Variants in DBF4B observed in about 807,000 individuals in gnomAD.
DBF4B encodes protein DBF4 homolog B.
A neutral mutation model predicts 53.4 loss-of-function variants in DBF4B; 49 were observed. The ratio of observed to expected loss-of-function variants is 0.92; its 90% CI spans 0.73 to 1.16. The LOEUF is 1.16. DBF4B is among the 50% of genes most tolerant of loss of function. DBF4B has a pLI of 0.00. For missense variants in DBF4B, 692 were observed against 775.0 expected, an observed-to-expected ratio of 0.89 and a Z score of 1.27; for synonymous variants, 257 against 288.7, an observed-to-expected ratio of 0.89 and a Z score of 1.11.
At position 44,731,011 on chromosome 17, in the gene DBF4B, A is replaced by G. The variant is rs1329958150; in HGVS notation, c.464A>G (p.Asn155Ser). Residue 155 changes from asparagine (N) to serine (S), a missense_variant, in exon 5 of 14, where the codon AAC (asparagine) becomes AGC (serine). Asn to Ser is a conservative substitution (Grantham distance 46). Transcript: ENST00000315005. ...GKELLQKAIR[N>S]QGSISGGGSG... ...GAGCTGCTGCAGAAGGCTATCAGAA[A>G]CCAGGTGAGCTGGGGCAAGATGGGA... is the stretch of plus-strand genomic sequence containing the variant. 1 of 1,613,916 alleles carries G rather than the reference A, an allele frequency of 6.2e-7. No homozygotes were observed. Among genetic ancestry groups the G allele is most frequent in the Non-Finnish European group, 8.5e-7 (1 of 1,179,940 alleles).
chr17:44,750,387 G>A (rs566284592), intron 13 of DBF4B: 4 of 1,374,054 alleles, frequency 2.9e-6, no homozygotes, highest in Non-Finnish European at 2.8e-6. Context: ...AAGGAAGAAG[G>A]GGGGGCCCAG....
chr17:44,730,325 G>A (rs1974725888), intron 4 of DBF4B, among the ~76,000 whole-genome samples: 1 of 152,176 alleles, frequency 6.6e-6, no homozygotes, highest in African/African-American at 2.4e-5. Context: ...GGACTTGAAA[G>A]TCAGAGGTTT....
intron 4 of DBF4B, among the ~76,000 whole-genome samples, chr17:44,730,700 C>T (rs1036703073): frequency 1.3e-5 from 2 of 152,158 alleles, no homozygotes; most frequent in African/African-American, 4.8e-5. Context: ...ACATTTGTAA[C>T]AATTGGATCT....
At chr17:44,748,507 C>T in intron 13 of DBF4B, 42 bp downstream of exon 13, 1 of 1,612,520 alleles carries the variant, frequency 6.2e-7, no homozygotes. Context: ...CACGCAGGCA[C>T]CAGCTGAACG....
chr17:44,730,673 T>G (rs1049283800), intron 4 of DBF4B, among the ~76,000 whole-genome samples: 2 of 152,184 alleles, frequency 1.3e-5, no homozygotes, highest in African/African-American at 4.8e-5. Flanking sequence ...GCAGAGACTC[T>G]TAAAGAGGGT....
rs202191780 is a variant in DBF4B at position 44,738,371 on chromosome 17, C to T, written c.668-8C>T. The T allele has an allele frequency of 1.3e-4, 205 of 1,613,344 alleles. 2 individuals carry two copies. The East Asian group carries it at 4.5e-3, about 36-fold the overall frequency. On this transcript the variant is annotated splice_polypyrimidine_tract_variant and splice_region_variant and intron_variant, in intron 8 of 13. Transcript: ENST00000315005. ...AGATAGCTGATGTGTGCATTCTTCCCCTTTCAGTGGCCAGACTGAAGGCCC... is the reference window on the plus strand; with the variant it reads ...AGATAGCTGATGTGTGCATTCTTCCTCTTTCAGTGGCCAGACTGAAGGCCC...
intron 8 of DBF4B, 50 bp downstream of exon 8, chr17:44,736,916 A>T: frequency 6.3e-7 from 1 of 1,594,438 alleles, no homozygotes; most frequent in Non-Finnish European, 8.6e-7. Flanking sequence ...CCCTCCCTAA[A>T]CACTTCCCCA....
intron 4 of DBF4B, among the ~76,000 whole-genome samples, chr17:44,730,717 AT>A (rs1432973818): frequency 1.3e-5 from 2 of 152,186 alleles, no homozygotes; most frequent in Non-Finnish European, 2.9e-5. Flanking sequence ...ATCTCAGTGA[AT>A]TCAGAGTGCC....
At chr17:44,721,831 G>T (rs555987006) in intron 2 of DBF4B, among the ~76,000 whole-genome samples, 1 of 151,434 alleles carries the variant, frequency 6.6e-6, no homozygotes, top group East Asian at 1.9e-4. Context: ...ATTGGAGGTT[G>T]CATAGAAGAG....
chr17:44,722,461 A>T (rs945820274), intron 2 of DBF4B, among the ~76,000 whole-genome samples: 3 of 152,166 alleles, frequency 2.0e-5, no homozygotes, highest in Non-Finnish European at 2.9e-5. Context: ...GGGGCTGGGC[A>T]CTGGCAACAG....
chr17:44,747,568 T>C, intron 12 of DBF4B, 53 bp downstream of exon 12: 1 of 1,602,138 alleles, frequency 6.2e-7, no homozygotes, highest in Non-Finnish European at 8.5e-7. Flanking sequence ...TCTGTTGCCC[T>C]CTGGGTGGGA....
intron 2 of DBF4B, among the ~76,000 whole-genome samples, chr17:44,721,891 T>A (rs935752030): frequency 2.6e-5 from 4 of 151,666 alleles, no homozygotes; most frequent in African/African-American, 9.7e-5. Context: ...TCCCAGCACT[T>A]TGGGAGGCCG....
intron 10 of DBF4B, among the ~76,000 whole-genome samples, chr17:44,743,044 A>G (rs758639644): frequency 2.6e-5 from 4 of 152,228 alleles, no homozygotes; most frequent in Non-Finnish European, 4.4e-5. Context: ...GGAATGTGGC[A>G]GTAGATGAAA....
At chr17:44,750,393 C>A in intron 13 of DBF4B, 12 of 985,356 alleles carry the variant, frequency 1.2e-5, no homozygotes, top group Non-Finnish European at 1.4e-5. Context: ...GAAGGGGGGG[C>A]CCAGCTATGG....
chr17:44,716,440 G>A (rs192147309), intron 2 of DBF4B, among the ~76,000 whole-genome samples: 1 of 152,232 alleles, frequency 6.6e-6, no homozygotes, highest in Admixed American at 6.6e-5. Flanking sequence ...GATCCCCTAT[G>A]TTTTCACTGG....
Position 44,713,101 on chromosome 17 carries a change from G to A in DBF4B, c.82+3735G>A, listed in dbSNP as rs572810690. Among the ~76,000 whole-genome samples, 26 of 143,422 alleles carry A rather than the reference G, an allele frequency of 1.8e-4. No homozygotes were observed. The East Asian group carries it at 5.1e-3, about 28-fold the overall frequency. 94.1% of individuals were successfully genotyped at this position (143,422 alleles called of 152,430 possible). On this transcript the variant is annotated intron_variant, in intron 2 of 13. Coordinates refer to ENST00000315005, the MANE Select transcript of DBF4B (RefSeq NM_145663.3). ...GTCGCCCAGGCTGGAGTGCAGTGGC[G>A]TGATCTGGGCTCACTACAAGCTCCG...
chr17:44,751,538 CTT>C lies in DBF4B; in HGVS notation c.*286_*287del. ...CCTCCAGCCCACCTCGCCAACCACT[CTT>C]GTTGGTTTCCTTCTCAGACTTGCCA... is the stretch of plus-strand genomic sequence containing the variant. On this transcript the variant is annotated 3_prime_UTR_variant, in exon 14 of 14. Transcript: ENST00000315005. The C allele has an allele frequency of 7.5e-7, 1 of 1,330,550 alleles. No homozygotes were observed. The highest frequency in any genetic ancestry group is 3.6e-5 in the Admixed American group (1 of 27,718). The allele number at this position is 1,330,550 out of a possible 1,614,324, so 82.4% of individuals were successfully genotyped here.
chr17:44,725,684 C>CTTTTTTTTTTTTTTTTGTTTTTT (rs1974258317), intron 3 of DBF4B, among the ~76,000 whole-genome samples: 1 of 87,662 alleles, frequency 1.1e-5, no homozygotes, highest in Non-Finnish European at 2.3e-5. Context: ...TTTTGTGCTT[C>CTTTTTTTTTTTTTTTTGTTTTTT]TTTTTTTTTT....
intron 8 of DBF4B, 34 bp downstream of exon 8, chr17:44,736,900 ATCCC>A: frequency 1.2e-6 from 2 of 1,611,544 alleles, no homozygotes; most frequent in Non-Finnish European, 1.7e-6. Flanking sequence ...TCTAATTGCA[ATCCC>A]TCCCTCCCTA....
Sources: gnomAD v4.1 joint callset for allele counts (sites outside exome capture counted in the v4.1 genomes callset) on GRCh38, gnomAD v4.1.1 for gene constraint, MANE v1.5 for transcripts, NCBI Gene and HGNC (gene_info 2026-07-23, HGNC 2026-07-21) for gene names.